Variants in CAMK4 observed in about 807,000 individuals in gnomAD.
CAMK4 encodes calcium/calmodulin-dependent protein kinase type IV.
A neutral mutation model predicts 44.9 loss-of-function variants in CAMK4; 22 were observed. The ratio of observed to expected loss-of-function variants is 0.49; its 90% CI spans 0.35 to 0.70. The LOEUF (loss-of-function observed/expected upper bound fraction) is 0.70. CAMK4 is among the 30% of genes least tolerant of loss of function. The pLI is 0.01. For synonymous variants in CAMK4, 218 were observed against 215.4 expected (o/e 1.01, Z -0.11); for missense variants, 498 against 586.8 (o/e 0.85, Z 1.56).
At chr5:111,470,515 T>A (rs991516028) in intron 7 of CAMK4, among the ~76,000 whole-genome samples, 2 of 148,250 alleles carry the variant, frequency 1.3e-5, no homozygotes, top group Non-Finnish European at 2.9e-5. Flanking sequence ...ATGAAAAATA[T>A]AAACTTTATA....
chr5:111,444,741 A>G (rs1753967308), intron 5 of CAMK4, among the ~76,000 whole-genome samples: 2 of 152,134 alleles, frequency 1.3e-5, no homozygotes, highest in Admixed American at 1.3e-4. Flanking sequence ...GCCTTCCCAC[A>G]TGAGGTAGGA....
chr5:111,370,021 G>A (rs902872575), intron 2 of CAMK4, among the ~76,000 whole-genome samples: 19 of 152,092 alleles, frequency 1.2e-4, no homozygotes, highest in African/African-American at 4.3e-4. Context: ...TATGCAGCTG[G>A]AAAAGGGAGA....
At chr5:111,273,298 AATAT>A (rs1320468569) in intron 1 of CAMK4, among the ~76,000 whole-genome samples, 4 of 152,058 alleles carry the variant, frequency 2.6e-5, no homozygotes, top group African/African-American at 9.7e-5. Context: ...TAAATGCATA[AATAT>A]ATATAAGCAC....
At position 111,273,712 on chromosome 5, in the gene CAMK4, T is replaced by C. The variant is rs868625847; in HGVS notation, c.161+49068T>C. On this transcript the variant is annotated intron_variant, in intron 1 of 10. Coordinates refer to ENST00000282356, the MANE Select transcript of CAMK4 (RefSeq NM_001744.6). ...ATATATATATATATATATATATATA[T>C]ATATATACACACACATACATACACA... Among the ~76,000 whole-genome samples the C allele has an allele frequency of 1.3e-4, 7 of 54,800 alleles. 1 individual carries two copies. Among genetic ancestry groups the C allele is most frequent in the African/African-American group, 2.3e-4 (2 of 8,580 alleles). 36.0% of individuals were successfully genotyped at this position (54,800 alleles called of 152,430 possible).
chr5:111,229,993 A>G (rs1394707725), intron 1 of CAMK4, among the ~76,000 whole-genome samples: 1 of 152,092 alleles, frequency 6.6e-6, no homozygotes, highest in African/African-American at 2.4e-5. Flanking sequence ...TCAACAAATG[A>G]TTTTAAAGAG....
intron 1 of CAMK4, among the ~76,000 whole-genome samples, chr5:111,301,160 T>C (rs1747703642): frequency 6.6e-6 from 1 of 152,140 alleles, no homozygotes. Context: ...TCTGGGCATC[T>C]TGACTATAAA....
intron 2 of CAMK4, among the ~76,000 whole-genome samples, chr5:111,371,415 T>C (rs1313234533): frequency 1.3e-5 from 2 of 152,340 alleles, no homozygotes; most frequent in East Asian, 3.9e-4. Flanking sequence ...AAAATTCATT[T>C]GTAACTTGCA....
intron 1 of CAMK4, among the ~76,000 whole-genome samples, chr5:111,234,487 A>G (rs1748626105): frequency 1.3e-5 from 2 of 152,154 alleles, no homozygotes; most frequent in Non-Finnish European, 2.9e-5. Flanking sequence ...AGAGGGAAAA[A>G]GAGTAGAGAA....
At chr5:111,448,901 T>C (rs769112833) in intron 6 of CAMK4, among the ~76,000 whole-genome samples, 1 of 152,250 alleles carries the variant, frequency 6.6e-6, no homozygotes, top group Non-Finnish European at 1.5e-5. Flanking sequence ...AATATAGATT[T>C]ATTTGTAAAT....
At position 111,369,278 on chromosome 5, in the gene CAMK4, TG is replaced by T. The variant is rs1750915462; in HGVS notation, c.241-5570del. Among the ~76,000 whole-genome samples the T allele has an allele frequency of 2.6e-5, 4 of 152,128 alleles. No individual in the cohort carries two copies. The South Asian group carries it at 8.3e-4, about 32-fold the overall frequency. On this transcript the variant is annotated intron_variant, in intron 2 of 10. Transcript: ENST00000282356. ...CAGGGTTTCACCATGTTGGCCAGGC[TG>T]GTCTCAAACTCCTGGCTCCAAGTGA...
At chr5:111,247,553 A>G (rs1208386655) in intron 1 of CAMK4, among the ~76,000 whole-genome samples, 1 of 151,054 alleles carries the variant, frequency 6.6e-6, no homozygotes, top group Non-Finnish European at 1.5e-5. Context: ...TATTTTTTTC[A>G]AGGAATTGGG....
chr5:111,418,673 A>G (rs1419067985), intron 5 of CAMK4, among the ~76,000 whole-genome samples: 5 of 141,892 alleles, frequency 3.5e-5, no homozygotes, highest in South Asian at 2.2e-4. Context: ...ATTCCCACCT[A>G]TGAGTGAGAA....
intron 1 of CAMK4, among the ~76,000 whole-genome samples, chr5:111,229,315 G>T (rs1166970474): frequency 6.6e-6 from 1 of 152,204 alleles, no homozygotes; most frequent in East Asian, 1.9e-4. Context: ...AGGCAGAGAG[G>T]AAGAGAGAAA....
rs200864439 is a variant in CAMK4 at position 111,478,362 on chromosome 5, C to T, written c.702-19C>T. Reference sequence around the variant, plus strand: ...TGAGCTTTTAAAGACATTTTATTCTCTATATTTTATTCCTCTAGACTTTGT... The same window carrying T: ...TGAGCTTTTAAAGACATTTTATTCTTTATATTTTATTCCTCTAGACTTTGT... On this transcript the variant is annotated intron_variant, in intron 8 of 10. Coordinates refer to ENST00000282356, the MANE Select transcript of CAMK4 (RefSeq NM_001744.6). The T allele has an allele frequency of 4.4e-4, 651 of 1,469,184 alleles. 1 individual carries two copies. The highest frequency in any genetic ancestry group is 5.3e-4 in the Non-Finnish European group (566 of 1,073,538). The allele number at this position is 1,469,184 out of a possible 1,614,324, so 91.0% of individuals were successfully genotyped here.
rs140250264 is a variant in CAMK4 at position 111,380,089 on chromosome 5, T to C, written c.386+3147T>C. On this transcript the variant is annotated intron_variant, in intron 4 of 10. Transcript: ENST00000282356. ...TCTTAAAACCTCAACATCATTTTCA[T>C]TGAATTATTGAAATGGACAAGGTGT... Among the ~76,000 whole-genome samples, 526 of 152,260 alleles carry C rather than the reference T, an allele frequency of 3.5e-3. 4 individuals are homozygous for C. The highest frequency in any genetic ancestry group is 0.012 in the African/African-American group (511 of 41,564).
chr5:111,335,015 T>C (rs533831160), intron 1 of CAMK4, among the ~76,000 whole-genome samples: 2 of 151,560 alleles, frequency 1.3e-5, no homozygotes, highest in African/African-American at 2.4e-5. Context: ...CACTTTTACA[T>C]GGCCATGAAG....
intron 1 of CAMK4, among the ~76,000 whole-genome samples, chr5:111,327,299 G>A (rs551854637): frequency 2.0e-4 from 30 of 152,028 alleles, no homozygotes; most frequent in African/African-American, 7.2e-4. Flanking sequence ...GAGAATGATG[G>A]TTTCCAGTTT....
chr5:111,444,547 C>G (rs1393182197), intron 5 of CAMK4, among the ~76,000 whole-genome samples: 4 of 152,102 alleles, frequency 2.6e-5, no homozygotes, highest in Non-Finnish European at 5.9e-5. Context: ...AAATGTACAT[C>G]CAGCTATTAT....
chr5:111,353,985 T>C (rs1164085641), intron 2 of CAMK4, among the ~76,000 whole-genome samples: 1 of 152,074 alleles, frequency 6.6e-6, no homozygotes, highest in Non-Finnish European at 1.5e-5. Flanking sequence ...ATAAGGTCAA[T>C]ATATTAAAGA....
Sources: gnomAD v4.1 joint callset for allele counts (sites outside exome capture counted in the v4.1 genomes callset) on GRCh38, gnomAD v4.1.1 for gene constraint, MANE v1.5 for transcripts, NCBI Gene and HGNC (gene_info 2026-07-23, HGNC 2026-07-21) for gene names.